Variants in RFWD3 observed in about 807,000 individuals in gnomAD.
RFWD3 encodes the protein E3 ubiquitin-protein ligase RFWD3.
A neutral mutation model predicts 87.7 loss-of-function variants in RFWD3; 65 were observed. The ratio of observed to expected loss-of-function variants is 0.74; its 90% CI spans 0.61 to 0.91. RFWD3 has a LOEUF of 0.91. Among genes scored for constraint, RFWD3 ranks in the 40% least tolerant of loss-of-function variants. The pLI, the probability that RFWD3 is intolerant of heterozygous loss-of-function variation, is 0.00. For synonymous variants in RFWD3, 433 were observed against 352.8 expected, an observed-to-expected ratio of 1.23 and a Z score of -2.55; for missense variants, 1,078 against 938.5, an observed-to-expected ratio of 1.15 and a Z score of -1.94.
At chr16:74,633,714 C>T (rs376995214) in intron 8 of RFWD3, among the ~76,000 whole-genome samples, 118 of 152,178 alleles carry the variant, frequency 7.8e-4, no homozygotes, top group African/African-American at 2.8e-3. Context: ...CTTTGGGAGG[C>T]TGAGGTGGGT....
intron 2 of RFWD3, among the ~76,000 whole-genome samples, chr16:74,658,607 T>A (rs1206762987): frequency 3.3e-5 from 5 of 152,206 alleles, no homozygotes; most frequent in African/African-American, 1.2e-4. Flanking sequence ...TAATCACATT[T>A]ACCTGGCTCC....
chr16:74,663,799 G>A (rs961587149), intron 1 of RFWD3, among the ~76,000 whole-genome samples: 2 of 152,240 alleles, frequency 1.3e-5, no homozygotes, highest in Admixed American at 1.3e-4. Flanking sequence ...AGGGCACAGT[G>A]GTTGGGGTGA....
intron 7 of RFWD3, among the ~76,000 whole-genome samples, 174 bp from the exon 8 acceptor site, chr16:74,636,751 T>A (rs961081347): frequency 6.6e-6 from 1 of 151,876 alleles, no homozygotes; most frequent in African/African-American, 2.4e-5. Context: ...TCTCACTCTG[T>A]CACCCAGGCT....
At chr16:74,664,889 A>G (rs1227270533) in intron 1 of RFWD3, 1 of 152,242 alleles carries the variant, frequency 6.6e-6, no homozygotes, top group African/African-American at 2.4e-5. Context: ...ACAAAGTTCT[A>G]TGGAACGGTG....
intron 1 of RFWD3, among the ~76,000 whole-genome samples, chr16:74,663,199 C>G (rs1040166172): frequency 1.3e-5 from 2 of 152,044 alleles, no homozygotes; most frequent in African/African-American, 4.8e-5. Flanking sequence ...CCACCGCGCC[C>G]GGCCAATACT....
intron 3 of RFWD3, among the ~76,000 whole-genome samples, chr16:74,649,576 C>T (rs928311779): frequency 1.3e-5 from 2 of 152,104 alleles, no homozygotes; most frequent in African/African-American, 4.8e-5. Flanking sequence ...AAAACTTCTG[C>T]AACACTGATA....
chr16:74,665,872 G>A (rs1021558636), intron 1 of RFWD3, among the ~76,000 whole-genome samples: 1 of 151,906 alleles, frequency 6.6e-6, no homozygotes, highest in Non-Finnish European at 1.5e-5. Context: ...TCAGCCTCCC[G>A]AGTAGCTGGG....
At chr16:74,624,963 T>A (rs1316443882) in intron 12 of RFWD3, among the ~76,000 whole-genome samples, 2 of 152,094 alleles carry the variant, frequency 1.3e-5, no homozygotes, top group Non-Finnish European at 2.9e-5. Context: ...CACTCCAGCC[T>A]GGACCGAGTA....
intron 1 of RFWD3, among the ~76,000 whole-genome samples, chr16:74,665,556 C>A (rs376060878): frequency 1.7e-4 from 25 of 151,048 alleles, no homozygotes; most frequent in East Asian, 9.9e-4. Context: ...CCAGCAGGGG[C>A]AACAAAGCGA....
At chr16:74,636,267 T>C in intron 8 of RFWD3, 79 bp downstream of exon 8, 1 of 1,339,530 alleles carries the variant, frequency 7.5e-7, no homozygotes, top group Non-Finnish European at 1.1e-6. Context: ...CCTTTGAGTC[T>C]TGAATTTTCC....
chr16:74,638,104 A>G lies in RFWD3; in HGVS notation c.1080-134T>C, dbSNP rs553913267. 7.2e-6 allele frequency: 4 copies of G among 553,856 alleles called. No homozygotes were observed. The South Asian group carries it at 8.5e-5, about 12-fold the overall frequency. 34.3% of individuals were successfully genotyped at this position (553,856 alleles called of 1,614,324 possible). ...TATGTTATGATAGTGAATAAAATAT[A>G]AAAAGAGAAAAATCTCTCCAGAAAC... On this transcript the variant is annotated intron_variant, in intron 6 of 12. Coordinates refer to ENST00000361070, the MANE Select transcript of RFWD3 (RefSeq NM_018124.4).
In RFWD3 at chr16:74,636,525, C is replaced by T; in HGVS notation, c.1247G>A (p.Gly416Asp). The change falls in exon 8 of 13, where the codon GGC (glycine) becomes GAC (aspartate). Residue 416 changes from glycine (G) to aspartate (D), a missense_variant. By Grantham distance (94) the Gly-to-Asp change is moderately conservative. Transcript: ENST00000361070. ...GCAGCTCAGGACCCATGCTTGGGAG[C>T]CCCTGGGTTGCTGTAAATTCTGACT... ...HQSQNLQQPR[G>D]SQAWVLSCSP... 12 of 1,613,894 alleles carry T rather than the reference C, an allele frequency of 7.4e-6. No homozygotes were observed. Among genetic ancestry groups the T allele is most frequent in the Non-Finnish European group, 1.0e-5 (12 of 1,180,014 alleles).
rs1373751043 is a variant in RFWD3 at position 74,644,616 on chromosome 16, T to C, written c.912A>G (p.Ala304=). Residue 304 remains alanine, a synonymous_variant, in exon 5 of 13, where the codon GCA becomes GCG. Transcript: ENST00000361070. ...WTNAGDHRLS[A]LRCGHLFGYR... ...ACCCAAAGAGATGCCCACAGCGTAATGCTGAGAGCCGGTGGTCCCCAGCAT... is the reference window on the plus strand; with the variant it reads ...ACCCAAAGAGATGCCCACAGCGTAACGCTGAGAGCCGGTGGTCCCCAGCAT... 5 of 1,614,102 alleles carry C rather than the reference T, an allele frequency of 3.1e-6. No individual in the cohort carries two copies. The highest frequency in any genetic ancestry group is 1.7e-5 in the Admixed American group (1 of 60,000).
At chr16:74,630,655 G>C (rs747631399) in intron 10 of RFWD3, 126 bp downstream of exon 10, 6 of 681,484 alleles carry the variant, frequency 8.8e-6, no homozygotes, top group Non-Finnish European at 1.4e-5. Context: ...GTGAGATCAA[G>C]TGGATCTTCA....
chr16:74,659,255 T>C (rs900919646), intron 2 of RFWD3, among the ~76,000 whole-genome samples: 1 of 152,154 alleles, frequency 6.6e-6, no homozygotes, highest in Non-Finnish European at 1.5e-5. Context: ...ACTGAGGACT[T>C]GCAAGAGGCC....
In RFWD3 at chr16:74,660,935, G is replaced by T; in HGVS notation, c.515C>A (p.Ala172Asp). Residue 172 changes from alanine to aspartate, a missense_variant, in exon 2 of 13, where the codon GCC becomes GAC. Coordinates refer to ENST00000361070, the MANE Select transcript of RFWD3 (RefSeq NM_018124.4). ...ACTTATCCATATATTTATTTACCTG[G>T]CACTGTCTGTCCTCTGAGACCCTCC... The part of the protein sequence containing the change: ...RAGGSQRTDS[A>D]RLRAPLDAYF... The T allele has an allele frequency of 1.2e-6, 2 of 1,610,876 alleles. No homozygotes were observed. The highest frequency in any genetic ancestry group is 1.7e-6 in the Non-Finnish European group (2 of 1,177,668).
chr16:74,643,314 A>G (rs940807845), intron 6 of RFWD3, among the ~76,000 whole-genome samples: 2 of 152,200 alleles, frequency 1.3e-5, no homozygotes, highest in Non-Finnish European at 2.9e-5. Flanking sequence ...ATGCAATCAT[A>G]CTAATAACAT....
Position 74,652,105 on chromosome 16 carries a change from T to A in RFWD3, c.536A>T (p.Asp179Val), listed in dbSNP as rs755312430. The change falls in exon 3 of 13, where the codon GAT becomes GTT. Residue 179 changes from aspartate to valine, a missense_variant. Physicochemically the swap from Asp to Val is radical, Grantham distance 152 (BLOSUM62 -3). Transcript: ENST00000361070. ...GGTCCTGCTCACCTGAAAGTAAGCA[T>A]CCAATGGTGCTCTCAACCTATGTAC... is the stretch of plus-strand genomic sequence containing the variant. ...TDSARLRAPL[D>V]AYFQVSRTQP... is the part of the protein sequence containing the mutation. The A allele has an allele frequency of 6.2e-7, 1 of 1,613,978 alleles. No homozygotes were observed. The highest frequency in any genetic ancestry group is 2.2e-5 in the East Asian group (1 of 44,894).
chr16:74,662,458 CAAGT>C (rs1460547429), intron 1 of RFWD3, among the ~76,000 whole-genome samples: 12 of 152,012 alleles, frequency 7.9e-5, no homozygotes, highest in African/African-American at 2.9e-4. Flanking sequence ...TAGATTCTAG[CAAGT>C]AAGATGTCAA....
Sources: gnomAD v4.1 joint callset for allele counts (sites outside exome capture counted in the v4.1 genomes callset) on GRCh38, gnomAD v4.1.1 for gene constraint, MANE v1.5 for transcripts, NCBI Gene and HGNC (gene_info 2026-07-23, HGNC 2026-07-21) for gene names.